Variants in HOXD3 observed in about 807,000 individuals in gnomAD.
HOXD3 encodes the protein homeobox D3.
In HOXD3, 13 loss-of-function variants were observed where a neutral mutation model predicts 32.8. The observed-to-expected ratio is 0.40, with a 90% CI of 0.26 to 0.63. The LOEUF (loss-of-function observed/expected upper bound fraction) is 0.63. HOXD3 is among the 20% of genes least tolerant of loss of function. HOXD3 has a pLI of 0.44. For synonymous variants in HOXD3, 241 were observed against 246.8 expected (o/e 0.98, Z 0.22); for missense variants, 504 against 577.1 (o/e 0.87, Z 1.30).
At chr2:176,152,761 G>A (rs754784160), upstream of HOXD3, 1 of 1,614,188 alleles carries the variant, frequency 6.2e-7, no homozygotes, top group Non-Finnish European at 8.5e-7. The surrounding 1 kb of genome is among the most constrained non-coding windows in gnomAD (Gnocchi z 5.2). Context: ...CTGTCGGAGC[G>A]CCAGATCAAG....
At chr2:176,167,128 G>A (rs1037283682) in intron 2 of HOXD3, among the ~76,000 whole-genome samples, 2 of 152,202 alleles carry the variant, frequency 1.3e-5, no homozygotes, top group Non-Finnish European at 2.9e-5. Context: ...AAGAAGTAGG[G>A]AGGCAGGGAG....
chr2:176,154,499 A>T (rs560533410), upstream of HOXD3, among the ~76,000 whole-genome samples: 2 of 152,364 alleles, frequency 1.3e-5, no homozygotes, highest in South Asian at 4.1e-4. Context: ...TAAGCTTAAA[A>T]TTTAATTTTA....
chr2:176,152,581 G>T (rs753629858), upstream of HOXD3: 3 of 1,599,036 alleles, frequency 1.9e-6, no homozygotes, highest in Non-Finnish European at 2.6e-6. This position sits in a 1 kb window ranked among gnomAD's most constrained non-coding sequence, Gnocchi z 5.2. Flanking sequence ...GCGCTGACCT[G>T]CCTGTCCTGT....
chr2:176,153,252 A>C, upstream of HOXD3: 1 of 396,480 alleles, frequency 2.5e-6, no homozygotes, highest in Non-Finnish European at 4.6e-6. Flanking sequence ...GAATTTGCAA[A>C]TGAAGGTTGG....
At chr2:176,167,011 C>T (rs1466609724) in intron 2 of HOXD3, among the ~76,000 whole-genome samples, 2 of 152,152 alleles carry the variant, frequency 1.3e-5, no homozygotes, top group African/African-American at 4.8e-5. Flanking sequence ...GCCTGAAAGA[C>T]AGATCAAGAA....
At chr2:176,165,417 C>A (rs1690934417) in intron 2 of HOXD3, 1 of 152,366 alleles carries the variant, frequency 6.6e-6, no homozygotes, top group Admixed American at 6.5e-5. Flanking sequence ...GCGGTTGCGG[C>A]GGGCCGGCGG....
At chr2:176,171,311 C>G (rs924452842) in intron 3 of HOXD3, among the ~76,000 whole-genome samples, 1 of 152,008 alleles carries the variant, frequency 6.6e-6, no homozygotes, top group African/African-American at 2.4e-5. Context: ...GTTTCAGGTG[C>G]GACTGATAGG....
At chr2:176,157,189 G>A (rs1690666013), upstream of HOXD3, among the ~76,000 whole-genome samples, 1 of 152,120 alleles carries the variant, frequency 6.6e-6, no homozygotes, top group South Asian at 2.1e-4. Context: ...GCCGGGGGAG[G>A]GCCTTTCATA....
chr2:176,153,615 A>G (rs1412040372), upstream of HOXD3, among the ~76,000 whole-genome samples: 1 of 152,170 alleles, frequency 6.6e-6, no homozygotes, highest in Non-Finnish European at 1.5e-5. Flanking sequence ...AATCTTAAAA[A>G]GGTGAAAGGG....
At chr2:176,169,978 T>C (rs1691118910) in intron 3 of HOXD3, among the ~76,000 whole-genome samples, 2 of 152,128 alleles carry the variant, frequency 1.3e-5, no homozygotes, top group South Asian at 4.1e-4. Flanking sequence ...TCTTCAAGAT[T>C]TGAAGATAGG....
At chr2:176,168,997 C>G (rs1215237045) in intron 2 of HOXD3, 34 bp from the exon 3 acceptor site, 2 of 1,452,354 alleles carry the variant, frequency 1.4e-6, no homozygotes, top group Admixed American at 2.8e-5. Context: ...GCCAATGACA[C>G]TCCCTCTGGG....
At chr2:176,168,902 A>G (rs1056769531) in intron 2 of HOXD3, 129 bp from the exon 3 acceptor site, 10 of 594,732 alleles carry the variant, frequency 1.7e-5, no homozygotes, top group Non-Finnish European at 2.8e-5. Flanking sequence ...AAATAAACTC[A>G]GATCCAGCAC....
chr2:176,162,765 A>C (rs556878511), intron 1 of HOXD3, among the ~76,000 whole-genome samples: 1 of 152,276 alleles, frequency 6.6e-6, no homozygotes, highest in South Asian at 2.1e-4. Flanking sequence ...AAAAAGAAAA[A>C]TCTAGCTAGA....
upstream of HOXD3, among the ~76,000 whole-genome samples, chr2:176,155,588 C>T (rs919923450): frequency 6.6e-6 from 1 of 152,214 alleles, no homozygotes; most frequent in Admixed American, 6.5e-5. Context: ...CCCCAGCATC[C>T]ATTTGGGCCC....
At chr2:176,168,498 C>T (rs1427964414) in intron 2 of HOXD3, among the ~76,000 whole-genome samples, 4 of 152,020 alleles carry the variant, frequency 2.6e-5, no homozygotes, top group Non-Finnish European at 5.9e-5. Context: ...AACCCAGAGG[C>T]GTAGGTTGCA....
chr2:176,166,796 A>G (rs1690982457), intron 2 of HOXD3, among the ~76,000 whole-genome samples: 1 of 152,222 alleles, frequency 6.6e-6, no homozygotes, highest in Non-Finnish European at 1.5e-5. Flanking sequence ...AGACAAAACA[A>G]AAAGGGCAAC....
intron 1 of HOXD3, among the ~76,000 whole-genome samples, chr2:176,158,050 GATA>G (rs1476181784): frequency 1.3e-5 from 2 of 152,226 alleles, no homozygotes; most frequent in Non-Finnish European, 2.9e-5. Context: ...TTAACCAACA[GATA>G]ATGATTTCCG....
At chr2:176,157,808 A>G (rs1409159623) in intron 1 of HOXD3, among the ~76,000 whole-genome samples, 1 of 152,052 alleles carries the variant, frequency 6.6e-6, no homozygotes, top group Non-Finnish European at 1.5e-5. Context: ...CCAAGACAAC[A>G]GGAGTTGTAA....
chr2:176,156,690 C>T (rs1276670127), upstream of HOXD3, among the ~76,000 whole-genome samples: 1 of 152,138 alleles, frequency 6.6e-6, no homozygotes, highest in Non-Finnish European at 1.5e-5. Context: ...TAAACACTCC[C>T]CACTATAAAA....
Sources: allele counts gnomAD v4.1 joint callset (sites outside exome capture counted in the v4.1 genomes callset), GRCh38; gene constraint gnomAD v4.1.1; non-coding constraint Gnocchi (gnomAD v3.1); transcripts MANE v1.5; gene names NCBI Gene and HGNC (gene_info 2026-07-23, HGNC 2026-07-21).